Variants in ATP1A1 observed in about 807,000 individuals in gnomAD.
ATP1A1 encodes the protein sodium/potassium-transporting ATPase subunit alpha-1.
Under a neutral mutation model 114.8 loss-of-function variants are expected in ATP1A1, and 14 were observed. The observed-to-expected ratio is 0.12, with a 90% CI of 0.08 to 0.19. The LOEUF (loss-of-function observed/expected upper bound fraction) is 0.19. Among genes scored for constraint, ATP1A1 ranks in the 10% least tolerant of loss-of-function variants. ATP1A1 has a pLI of 1.00. For missense variants in ATP1A1, 524 were observed against 1,290.7 expected, an observed-to-expected ratio of 0.41 and a Z score of 9.10; for synonymous variants, 471 against 466.3, an observed-to-expected ratio of 1.01 and a Z score of -0.13.
intron 21 of ATP1A1, among the ~76,000 whole-genome samples, chr1:116,403,198 GAC>G (rs1048844297): frequency 6.6e-6 from 1 of 152,194 alleles, no homozygotes; most frequent in East Asian, 1.9e-4. Flanking sequence ...TGCCTTGTCA[GAC>G]ACACAGGAAG....
At chr1:116,402,014 C>T (rs2101068225) in intron 21 of ATP1A1, 2 of 215,406 alleles carry the variant, frequency 9.3e-6, no homozygotes, top group Middle Eastern at 1.7e-3. Context: ...CGCCCAGGCT[C>T]AAATCTTGAT....
At position 116,399,612 on chromosome 1, in the gene ATP1A1, T is replaced by C. The variant is rs913190368; in HGVS notation, c.2572+69T>C. The C allele has an allele frequency of 2.5e-6, 4 of 1,592,036 alleles. No individual in the cohort carries two copies. In the African/African-American group the frequency reaches 4.0e-5, roughly 16 times the overall value. On this transcript the variant is annotated intron_variant, in intron 18 of 22. Coordinates refer to ENST00000295598, the MANE Select transcript of ATP1A1 (RefSeq NM_000701.8). The surrounding 1 kb of genome is among the most constrained non-coding windows in gnomAD (Gnocchi z 5.0). ...CTGAGGTGATGGTGTCCACCTCAGG[T>C]TGAGGTTGATTTCAGAGACTGCAAA...
rs893896136 is a variant in ATP1A1 at position 116,395,256 on chromosome 1, G to A, written c.1807G>A (p.Val603Met). 3.1e-6 allele frequency: 5 copies of A among 1,613,904 alleles called. No homozygotes were observed. Among genetic ancestry groups the A allele is most frequent in the African/African-American group, 2.7e-5 (2 of 74,908 alleles). The change falls in exon 13 of 23, where the codon GTG becomes ATG. Residue 603 changes from valine to methionine, a missense_variant. Transcript: ENST00000295598. The surrounding 1 kb of genome is among the most constrained non-coding windows in gnomAD (Gnocchi z 6.4). ...TCCACGGGCGGCCGTTCCTGATGCC[G>A]TGGGCAAATGTCGAAGTGCTGGAAT... ...DPPRAAVPDA[V>M]GKCRSAGIKV...
chr1:116,394,973 T>G (rs1652788090), intron 12 of ATP1A1, 137 bp from the exon 13 acceptor site: 2 of 815,230 alleles, frequency 2.5e-6, no homozygotes, highest in Admixed American at 5.3e-5. Flanking sequence ...ACCCTCACTC[T>G]GTTATAAAAA....
At chr1:116,400,002 A>G (rs1378079194) in intron 18 of ATP1A1, among the ~76,000 whole-genome samples, 1 of 152,234 alleles carries the variant, frequency 6.6e-6, no homozygotes, top group Non-Finnish European at 1.5e-5. Context: ...GTGATCCTCC[A>G]TCCACCTCAC....
Position 116,392,872 on chromosome 1 carries a change from G to C in ATP1A1, c.1351G>C (p.Ala451Pro). ...TTCACAGCGGGCAGTTGCAGGAGAT[G>C]CCTCTGAGTCAGCACTCTTAAAGTG... is the stretch of plus-strand genomic sequence containing the variant. Reference protein sequence around the residue: ...PILKRAVAGDASESALLKCIE... With the variant: ...PILKRAVAGDPSESALLKCIE... Residue 451 changes from alanine (A) to proline (P), a missense_variant, in exon 11 of 23, where the codon GCC (alanine) becomes CCC (proline). By Grantham distance (27) the Ala-to-Pro change is conservative. Around this residue, in one of 8 missense-constraint regions of ATP1A1, gnomAD observed 143 missense variants for 259.3 expected, o/e 0.55. Transcript: ENST00000295598. 2 of 1,612,838 alleles carry C rather than the reference G, an allele frequency of 1.2e-6. No homozygotes were observed. Among genetic ancestry groups the C allele is most frequent in the Non-Finnish European group, 8.5e-7 (1 of 1,179,510 alleles).
rs1557786175 is a variant in ATP1A1 at position 116,390,417 on chromosome 1, G to A, written c.1222+6G>A. 1.2e-6 allele frequency: 2 copies of A among 1,613,470 alleles called. No homozygotes were observed. The highest frequency in any genetic ancestry group is 2.2e-5 in the South Asian group (2 of 91,066). On this transcript the variant is annotated splice_donor_region_variant and intron_variant, in intron 9 of 22. Coordinates refer to ENST00000295598, the MANE Select transcript of ATP1A1 (RefSeq NM_000701.8). ...TACGACAGAGAATCAGAGTGGTAAG[G>A]CCAGGGTTACCACACACCTCAGCCA...
At chr1:116,390,574 T>G (rs1334959787) in intron 9 of ATP1A1, among the ~76,000 whole-genome samples, 163 bp downstream of exon 9, 4 of 145,336 alleles carry the variant, frequency 2.8e-5, no homozygotes, top group Non-Finnish European at 3.0e-5. Flanking sequence ...GAGTCAAGGG[T>G]ATGGGATATT....
At position 116,388,933 on chromosome 1, in the gene ATP1A1, A is replaced by G; in HGVS notation, c.668A>G (p.Glu223Gly). 1 of 1,614,224 alleles carries G rather than the reference A, an allele frequency of 6.2e-7. No homozygotes were observed. Among genetic ancestry groups the G allele is most frequent in the Non-Finnish European group, 8.5e-7 (1 of 1,180,036 alleles). Residue 223 changes from glutamate (E) to glycine (G), a missense_variant, in exon 7 of 23, where the codon GAA becomes GGA. Around this residue, in one of 8 missense-constraint regions of ATP1A1, gnomAD observed 141 missense variants for 316.6 expected, o/e 0.45. Transcript: ENST00000295598. This position sits in a 1 kb window ranked among gnomAD's most constrained non-coding sequence, Gnocchi z 5.6. Reference protein sequence around the residue: ...VDNSSLTGESEPQTRSPDFTN... With the variant: ...VDNSSLTGESGPQTRSPDFTN... ...AACTCCTCGCTCACTGGTGAATCAG[A>G]ACCCCAGACTAGGTCTCCAGATTTC...
In ATP1A1 at chr1:116,388,694, G is replaced by C. The variant is rs778631575; in HGVS notation, c.558G>C (p.Val186=). Residue 186 remains valine (V), a synonymous_variant, in exon 6 of 23, where the codon GTG becomes GTC. Coordinates refer to ENST00000295598, the MANE Select transcript of ATP1A1 (RefSeq NM_000701.8). The surrounding 1 kb of genome is among the most constrained non-coding windows in gnomAD (Gnocchi z 5.6). ...EKMSINAEEV[V]VGDLVEVKGG... Reference sequence around the variant, plus strand: ...TGAGCATAAATGCGGAGGAAGTTGTGGTTGGGGATCTGGTGGAAGTAAAAG... The same window carrying C: ...TGAGCATAAATGCGGAGGAAGTTGTCGTTGGGGATCTGGTGGAAGTAAAAG... The C allele has an allele frequency of 2.5e-6, 4 of 1,614,066 alleles. No homozygotes were observed. The East Asian group carries it at 8.9e-5, about 36-fold the overall frequency.
At position 116,397,763 on chromosome 1, in the gene ATP1A1, T is replaced by A. The variant is rs1476127529; in HGVS notation, c.1974-125T>A. Reference sequence around the variant, plus strand: ...TGAACACTTAATAGCTTTTATGTGCTGGGGAAAATTCCTTCTTTGTTTTGT... The same window carrying A: ...TGAACACTTAATAGCTTTTATGTGCAGGGGAAAATTCCTTCTTTGTTTTGT... On this transcript the variant is annotated intron_variant, in intron 14 of 22. Transcript: ENST00000295598. The surrounding 1 kb of genome is among the most constrained non-coding windows in gnomAD (Gnocchi z 4.2). 3.3e-6 allele frequency: 4 copies of A among 1,220,004 alleles called. No individual in the cohort carries two copies. Among genetic ancestry groups the A allele is most frequent in the Non-Finnish European group, 4.5e-6 (4 of 880,248 alleles). 75.6% of individuals were successfully genotyped at this position (1,220,004 alleles called of 1,614,324 possible).
chr1:116,389,078 A>G lies in ATP1A1; in HGVS notation c.754+59A>G. 3 of 1,437,588 alleles carry G rather than the reference A, an allele frequency of 2.1e-6. No individual in the cohort carries two copies. The highest frequency in any genetic ancestry group is 4.5e-5 in the East Asian group (2 of 44,004). 89.1% of individuals were successfully genotyped at this position (1,437,588 alleles called of 1,614,324 possible). ...GGTATTTCTCTTGGGCATTAACAAA[A>G]TCAAAACCATAGGCACAATCTCTTG... is the stretch of plus-strand genomic sequence containing the variant. On this transcript the variant is annotated intron_variant, in intron 7 of 22. Transcript: ENST00000295598. The surrounding 1 kb of genome is among the most constrained non-coding windows in gnomAD (Gnocchi z 6.9).
rs1390278916 is a variant in ATP1A1, at chr1:116,387,218, C to T, written c.184-70C>T. 2.6e-6 allele frequency: 4 copies of T among 1,549,068 alleles called. No homozygotes were observed. The highest frequency in any genetic ancestry group is 2.7e-5 in the African/African-American group (2 of 73,492). On this transcript the variant is annotated intron_variant, in intron 3 of 22. Coordinates refer to ENST00000295598, the MANE Select transcript of ATP1A1 (RefSeq NM_000701.8). This position sits in a 1 kb window ranked among gnomAD's most constrained non-coding sequence, Gnocchi z 6.7. ...TTAAATCCTTATTGCAACCGTCCAGCTACCAGGTAGGTATATTGCCTTGTA... is the reference window on the plus strand; with the variant it reads ...TTAAATCCTTATTGCAACCGTCCAGTTACCAGGTAGGTATATTGCCTTGTA...
intron 21 of ATP1A1, among the ~76,000 whole-genome samples, chr1:116,402,285 G>C (rs967217825): frequency 7.9e-5 from 12 of 152,218 alleles, no homozygotes; most frequent in African/African-American, 2.9e-4. Context: ...CATTGAGTAT[G>C]TTTGGTGATA....
intron 9 of ATP1A1, among the ~76,000 whole-genome samples, 163 bp from the exon 10 acceptor site, chr1:116,390,619 C>T (rs1205580865): frequency 3.3e-5 from 5 of 149,828 alleles, no homozygotes; most frequent in Non-Finnish European, 7.4e-5. Flanking sequence ...TTTAAATTGC[C>T]CTACAAACGT....
At chr1:116,383,367 T>G in intron 1 of ATP1A1, 1 of 1,043,312 alleles carries the variant, frequency 9.6e-7, no homozygotes, top group Non-Finnish European at 1.2e-6. Flanking sequence ...GATATTTAAA[T>G]TTGATATGTA....
chr1:116,385,158 CTTTA>C lies in ATP1A1; in HGVS notation c.183+320_183+323del. Reference sequence around the variant, plus strand: ...TTGACCTTTTGATGATAAATTTTCCCTTTATTTTTCTACATTTGTTAAATAGAGT... The same window carrying C: ...TTGACCTTTTGATGATAAATTTTCCCTTTTTCTACATTTGTTAAATAGAGT... On this transcript the variant is annotated intron_variant, in intron 3 of 22. Transcript: ENST00000295598. This position sits in a 1 kb window ranked among gnomAD's most constrained non-coding sequence, Gnocchi z 4.3. 3.3e-6 allele frequency: 1 copy of C among 302,184 alleles called. No individual in the cohort carries two copies. Among genetic ancestry groups the C allele is most frequent in the South Asian group, 3.6e-5 (1 of 28,098 alleles). The allele number at this position is 302,184 out of a possible 1,614,324, so 18.7% of individuals were successfully genotyped here. A position where few individuals can be genotyped will look rare whatever the true frequency, so the allele number is the denominator to read the frequency against.
intron 21 of ATP1A1, chr1:116,402,044 C>G (rs1307071520): frequency 5.2e-6 from 1 of 190,668 alleles, no homozygotes; most frequent in Non-Finnish European, 1.1e-5. Flanking sequence ...TAGTCACTGT[C>G]CCATTACAAG....
chr1:116,400,328 G>T (rs1006439383), intron 18 of ATP1A1, among the ~76,000 whole-genome samples: 1 of 152,214 alleles, frequency 6.6e-6, no homozygotes, highest in Non-Finnish European at 1.5e-5. Flanking sequence ...GAGGAAGGAA[G>T]ACTAGGTCTC....
Sources: allele counts gnomAD v4.1 joint callset (sites outside exome capture counted in the v4.1 genomes callset), GRCh38; gene constraint gnomAD v4.1.1; regional missense constraint gnomAD v4.1.1; non-coding constraint Gnocchi (gnomAD v3.1); transcripts MANE v1.5; gene names NCBI Gene and HGNC (gene_info 2026-07-23, HGNC 2026-07-21).